OTUD7B: variants seen among roughly 807,000 people sequenced by gnomAD.
The protein encoded by OTUD7B is OTU deubiquitinase 7B.
OTUD7B carries 34 observed loss-of-function variants against 82.2 expected under a neutral mutation model. The ratio of observed to expected loss-of-function variants is 0.41; its 90% CI spans 0.31 to 0.55. The LOEUF (loss-of-function observed/expected upper bound fraction) is 0.55, where lower values mean the gene tolerates loss of function less well. OTUD7B is among the 20% of genes least tolerant of loss of function. The pLI, the probability that OTUD7B is intolerant of heterozygous loss-of-function variation, is 0.20. For missense variants in OTUD7B, 944 were observed against 1,062.1 expected, an observed-to-expected ratio of 0.89 and a Z score of 1.55; for synonymous variants, 398 against 402.7, an observed-to-expected ratio of 0.99 and a Z score of 0.14.
At chr1:149,952,949 C>T (rs1403049181) in intron 7 of OTUD7B, among the ~76,000 whole-genome samples, 5 of 151,974 alleles carry the variant, frequency 3.3e-5, no homozygotes, top group Non-Finnish European at 4.4e-5. Flanking sequence ...GGATATTAGC[C>T]CTTTGTCAGA....
chr1:150,018,509 T>G, the OTUD7B span, among the ~76,000 whole-genome samples: 1 of 152,164 alleles, frequency 6.6e-6, no homozygotes. Context: ...TCATACTGCT[T>G]GCTTCCTTAT....
At chr1:149,967,959 T>C (rs1553776974) in intron 3 of OTUD7B, among the ~76,000 whole-genome samples, 1 of 152,174 alleles carries the variant, frequency 6.6e-6, no homozygotes, top group Non-Finnish European at 1.5e-5. Context: ...ATACCTTTTC[T>C]AAAGGGTATT....
the OTUD7B span, among the ~76,000 whole-genome samples, chr1:150,060,131 T>C: frequency 6.6e-6 from 1 of 152,206 alleles, no homozygotes; most frequent in Admixed American, 6.5e-5. Context: ...TCAGTGAGAT[T>C]TCAATGCCTC....
rs1647983092 is a variant in OTUD7B at position 149,949,045 on chromosome 1, G to C, written c.1162C>G (p.Pro388Ala). 2 of 1,613,806 alleles carry C rather than the reference G, an allele frequency of 1.2e-6. No individual in the cohort carries two copies. Among genetic ancestry groups the C allele is most frequent in the African/African-American group, 1.3e-5 (1 of 75,058 alleles). Reference sequence around the variant, plus strand: ...CCAGGGTCCACAGCAAAGTGCAAGGGCAGCAGCTTATACTCTGAATCTGTA... The same window carrying C: ...CCAGGGTCCACAGCAAAGTGCAAGGCCAGCAGCTTATACTCTGAATCTGTA... The part of the protein sequence containing the change: ...PLTDSEYKLL[P>A]LHFAVDPGKG... Residue 388 changes from proline (P) to alanine (A), a missense_variant, in exon 10 of 12, where the codon CCC becomes GCC. Transcript: ENST00000581312.
intron 2 of OTUD7B, among the ~76,000 whole-genome samples, chr1:149,976,430 G>C (rs1553778566): frequency 6.6e-6 from 1 of 151,528 alleles, no homozygotes; most frequent in African/African-American, 2.4e-5. Context: ...TGACCAAAAT[G>C]GAGAAACCCC....
At chr1:149,980,172 T>G (rs773905722) in intron 1 of OTUD7B, among the ~76,000 whole-genome samples, 4 of 151,206 alleles carry the variant, frequency 2.6e-5, no homozygotes, top group Non-Finnish European at 5.9e-5. Context: ...CAGGCTATTC[T>G]TCTCAAAAAA....
chr1:150,046,615 T>TC, the OTUD7B span, among the ~76,000 whole-genome samples: 1 of 3,566 alleles, frequency 2.8e-4, no homozygotes, highest in African/African-American at 8.3e-4. Flanking sequence ...ACCTGGCTAA[T>TC]TTTTTTTTTT....
intron 1 of OTUD7B, among the ~76,000 whole-genome samples, chr1:149,991,212 C>T (rs73011915): frequency 0.021 from 3,200 of 152,038 alleles, 89 homozygotes; most frequent in African/African-American, 0.07. Context: ...GCCACTACTA[C>T]CCTCCCCACC....
upstream of OTUD7B, among the ~76,000 whole-genome samples, chr1:150,014,491 C>T (rs1553788127): frequency 2.0e-5 from 3 of 151,306 alleles, no homozygotes; most frequent in African/African-American, 7.3e-5. Context: ...AGGAATTTAC[C>T]CAATAGAAAT....
intron 2 of OTUD7B, among the ~76,000 whole-genome samples, chr1:149,973,023 C>T (rs2101843699): frequency 6.6e-6 from 1 of 152,302 alleles, no homozygotes; most frequent in East Asian, 1.9e-4. Context: ...CACTCTTCCT[C>T]TTCCCTCACC....
Position 149,938,483 on chromosome 1 carries a change from A to AAAACAAAG in OTUD7B, c.*5373_*5374insCTTTGTTT, listed in dbSNP as rs1296913338. The AAAACAAAG allele has an allele frequency of 2.4e-5, 2 of 82,908 alleles. No homozygotes were observed. Among genetic ancestry groups the AAAACAAAG allele is most frequent in the East Asian group, 4.4e-4 (1 of 2,266 alleles). The allele number at this position is 82,908 out of a possible 1,614,324, so 5.1% of individuals were successfully genotyped here. On this transcript the variant is annotated 3_prime_UTR_variant, in exon 12 of 12. Coordinates refer to ENST00000581312, the MANE Select transcript of OTUD7B (RefSeq NM_020205.4). ...CGCAAAAAAAAAAAAAAAAAAAAAG[A>AAAACAAAG]CATAGGAAGAGGTGTGTACCATAAC...
intron 11 of OTUD7B, among the ~76,000 whole-genome samples, chr1:149,946,611 G>A (rs782103615): frequency 6.6e-6 from 1 of 151,424 alleles, no homozygotes; most frequent in African/African-American, 2.4e-5. Context: ...GTGTGGTGGC[G>A]CACGTCTGTA....
chr1:149,992,501 A>C (rs1471201276), intron 1 of OTUD7B, among the ~76,000 whole-genome samples: 2 of 72,486 alleles, frequency 2.8e-5, no homozygotes, highest in Middle Eastern at 0.016. Flanking sequence ...TTTAGTACAG[A>C]GTCTCACTCT....
the OTUD7B span, among the ~76,000 whole-genome samples, chr1:150,047,244 A>G: frequency 1.3e-5 from 2 of 152,142 alleles, no homozygotes; most frequent in East Asian, 1.9e-4. Context: ...AAAAACTTTC[A>G]TCTGGATTAC....
rs374319412 is a variant in OTUD7B at position 149,941,354 on chromosome 1, T to C, written c.*2503A>G. ...ATTGGTCCAGGCCACCATTCTATGATATGAAGGCCTAAATTAGGAAAGCTA... is the reference window on the plus strand; with the variant it reads ...ATTGGTCCAGGCCACCATTCTATGACATGAAGGCCTAAATTAGGAAAGCTA... On this transcript the variant is annotated 3_prime_UTR_variant, in exon 12 of 12. Coordinates refer to ENST00000581312, the MANE Select transcript of OTUD7B (RefSeq NM_020205.4). 23 of 152,380 alleles carry C rather than the reference T, an allele frequency of 1.5e-4. No individual in the cohort carries two copies. Among genetic ancestry groups the C allele is most frequent in the African/African-American group, 5.3e-4 (22 of 41,568 alleles). The allele number at this position is 152,380 out of a possible 1,614,324, so 9.4% of individuals were successfully genotyped here.
chr1:150,023,139 GGTAA>G, the OTUD7B span, among the ~76,000 whole-genome samples: 6 of 152,188 alleles, frequency 3.9e-5, no homozygotes, highest in South Asian at 4.1e-4. Flanking sequence ...AAACATGAAA[GGTAA>G]GTGTTTCCAA....
At chr1:149,998,641 G>A (rs1182849080) in intron 1 of OTUD7B, among the ~76,000 whole-genome samples, 2 of 152,086 alleles carry the variant, frequency 1.3e-5, no homozygotes, top group African/African-American at 4.8e-5. Context: ...TCCTCACTTG[G>A]TACTTAGTAC....
chr1:149,944,253 C>T lies in OTUD7B; in HGVS notation c.2136G>A (p.Arg712=), dbSNP rs376053628. The T allele has an allele frequency of 5.0e-5, 80 of 1,611,940 alleles. No homozygotes were observed. In the East Asian group the frequency reaches 6.5e-4, roughly 13 times the overall value. Reference sequence around the variant, plus strand: ...CACATGGACCCCCTGCCAACTGCCTCCGGGGTTCCTGGCAGTGGACTCCGC... The same window carrying T: ...CACATGGACCCCCTGCCAACTGCCTTCGGGGTTCCTGGCAGTGGACTCCGC... ...SGGGVHCQEP[R]RQLAGGPCVG... Residue 712 remains arginine, a synonymous_variant, in exon 12 of 12, where the codon CGG becomes CGA. Transcript: ENST00000581312.
chr1:149,996,985 C>T (rs587700483), intron 1 of OTUD7B, among the ~76,000 whole-genome samples: 1 of 152,152 alleles, frequency 6.6e-6, no homozygotes, highest in African/African-American at 2.4e-5. Context: ...CATTACCTAG[C>T]AGAAAACATT....
Sources: gnomAD v4.1 joint callset for allele counts (sites outside exome capture counted in the v4.1 genomes callset) on GRCh38, gnomAD v4.1.1 for gene constraint, MANE v1.5 for transcripts, NCBI Gene and HGNC (gene_info 2026-07-23, HGNC 2026-07-21) for gene names.